Variants in MORN1 observed in about 807,000 individuals in gnomAD.
The protein encoded by MORN1 is MORN repeat containing 1.
MORN1 carries 67 observed loss-of-function variants against 61.9 expected under a neutral mutation model. The ratio of observed to expected loss-of-function variants is 1.08; its 90% CI spans 0.89 to 1.33. The LOEUF is 1.33. MORN1 is among the 40% of genes most tolerant of loss of function. The pLI, the probability that MORN1 is intolerant of heterozygous loss-of-function variation, is 0.00. For synonymous variants in MORN1, 301 were observed against 292.0 expected, an observed-to-expected ratio of 1.03 and a Z score of -0.31; for missense variants, 752 against 691.2, an observed-to-expected ratio of 1.09 and a Z score of -0.99.
chr1:2,335,003 G>A (rs1309303859), intron 12 of MORN1, among the ~76,000 whole-genome samples: 1 of 152,242 alleles, frequency 6.6e-6, no homozygotes, highest in Non-Finnish European at 1.5e-5. Context: ...GAGTCACTGG[G>A]CAAACAGGGC....
chr1:2,335,471 C>T (rs1641245126), intron 12 of MORN1, among the ~76,000 whole-genome samples: 1 of 152,198 alleles, frequency 6.6e-6, no homozygotes, highest in African/African-American at 2.4e-5. Flanking sequence ...GAGCCCTCCT[C>T]TGCCCCTGAA....
intron 6 of MORN1, among the ~76,000 whole-genome samples, chr1:2,383,176 A>T (rs1296430639): frequency 6.6e-6 from 1 of 152,196 alleles, no homozygotes; most frequent in East Asian, 1.9e-4. Flanking sequence ...GACCCTGTCA[A>T]CGTTTCTCCT....
intron 12 of MORN1, among the ~76,000 whole-genome samples, chr1:2,335,820 C>T (rs1015841577): frequency 6.5e-5 from 9 of 138,994 alleles, no homozygotes; most frequent in South Asian, 2.1e-4. Context: ...GGGGCCTCCT[C>T]GCCTCCATAG....
intron 12 of MORN1, among the ~76,000 whole-genome samples, chr1:2,335,068 T>A (rs950889590): frequency 6.6e-6 from 1 of 152,208 alleles, no homozygotes; most frequent in African/African-American, 2.4e-5. Flanking sequence ...GAAGTTATCG[T>A]ACAAAGTGAG....
chr1:2,336,870 A>T lies in MORN1; in HGVS notation c.1037-20T>A. 6.5e-7 allele frequency: 1 copy of T among 1,543,634 alleles called. No homozygotes were observed. The highest frequency in any genetic ancestry group is 2.0e-5 in the Admixed American group (1 of 49,008). On this transcript the variant is annotated intron_variant, in intron 10 of 13. Coordinates refer to ENST00000378531, the MANE Select transcript of MORN1 (RefSeq NM_024848.3). ...CCCTGGCTGAGGAGACAGAATGAAG[A>T]AAGACCCTATGAGGGGCTCAGGGCG...
intron 10 of MORN1, among the ~76,000 whole-genome samples, chr1:2,342,861 T>C (rs1424638558): frequency 1.9e-5 from 2 of 107,218 alleles, no homozygotes; most frequent in Non-Finnish European, 3.8e-5. Flanking sequence ...TATTTTATTT[T>C]ATTTTATTTA....
intron 13 of MORN1, chr1:2,323,039 G>C: frequency 1.0e-6 from 1 of 985,458 alleles, no homozygotes; most frequent in Non-Finnish European, 1.2e-6. Context: ...GGCTGTCTCC[G>C]CCGAGCACAT....
chr1:2,353,891 A>T lies in MORN1; in HGVS notation c.1036+3541T>A, dbSNP rs578038953. Among the ~76,000 whole-genome samples the T allele has an allele frequency of 3.9e-5, 6 of 152,366 alleles. No individual in the cohort carries two copies. In the South Asian group the frequency reaches 1.2e-3, roughly 32 times the overall value. On this transcript the variant is annotated intron_variant, in intron 10 of 13. Coordinates refer to ENST00000378531, the MANE Select transcript of MORN1 (RefSeq NM_024848.3). ...AAGAAAAGTTTGTGTCAACTCCTGC[A>T]TGGAATGAAGGGTAACAATTCATGG...
intron 12 of MORN1, among the ~76,000 whole-genome samples, chr1:2,328,901 G>C (rs1444603651): frequency 6.6e-6 from 1 of 152,190 alleles, no homozygotes; most frequent in African/African-American, 2.4e-5. Context: ...CATTGCCAAG[G>C]GAACCCGCCC....
At chr1:2,380,836 G>A (rs1233244675) in intron 6 of MORN1, among the ~76,000 whole-genome samples, 1 of 152,230 alleles carries the variant, frequency 6.6e-6, no homozygotes, top group Non-Finnish European at 1.5e-5. Context: ...GAGTACAGGT[G>A]TGAGCCACTG....
intron 8 of MORN1, among the ~76,000 whole-genome samples, chr1:2,364,882 G>T (rs1009131271): frequency 6.6e-6 from 1 of 152,068 alleles, no homozygotes; most frequent in Admixed American, 6.5e-5. Flanking sequence ...GATACGCAGC[G>T]TTATTTCTGA....
intron 10 of MORN1, among the ~76,000 whole-genome samples, chr1:2,345,630 G>A (rs1641496267): frequency 6.6e-6 from 1 of 152,206 alleles, no homozygotes; most frequent in Non-Finnish European, 1.5e-5. Context: ...ACCCTAGCCG[G>A]CAACATAGGG....
rs1277171382 is a variant in MORN1, at chr1:2,323,313, C to G, written c.1297+784G>C. 6.1e-6 allele frequency: 6 copies of G among 985,312 alleles called. No homozygotes were observed. In the African/African-American group the frequency reaches 1.0e-4, roughly 17 times the overall value. The allele number at this position is 985,312 out of a possible 1,614,324, so 61.0% of individuals were successfully genotyped here. A position where few individuals can be genotyped will look rare whatever the true frequency, so the allele number is the denominator to read the frequency against. ...TGTTCTCCCGCTGCGCCAGAGGCAG[C>G]TCCACGGTGGCATCCAGACCCCAGT... On this transcript the variant is annotated intron_variant, in intron 13 of 13. Coordinates refer to ENST00000378531, the MANE Select transcript of MORN1 (RefSeq NM_024848.3).
chr1:2,322,274 C>T, intron 13 of MORN1: 4 of 985,436 alleles, frequency 4.1e-6, no homozygotes, highest in African/African-American at 1.7e-5. Flanking sequence ...TCTCCCCTCC[C>T]CTGAGCCTGC....
chr1:2,375,856 T>C (rs1014848057), intron 6 of MORN1: 2 of 152,372 alleles, frequency 1.3e-5, no homozygotes, highest in East Asian at 1.9e-4. Context: ...ATTCCTGCAG[T>C]GTTCCAAGCT....
chr1:2,355,025 C>T (rs751813383), intron 10 of MORN1: 18 of 303,946 alleles, frequency 5.9e-5, no homozygotes, highest in Non-Finnish European at 6.8e-5. Flanking sequence ...GGCTGAGAGT[C>T]GGGGGAGGCC....
chr1:2,387,905 T>C, intron 3 of MORN1: 1 of 416,302 alleles, frequency 2.4e-6, no homozygotes, highest in Middle Eastern at 6.3e-4. Context: ...GGGTCTGAGG[T>C]TCCTGGACAC....
At chr1:2,322,838 G>A (rs952832379) in intron 13 of MORN1, 7 of 985,320 alleles carry the variant, frequency 7.1e-6, no homozygotes, top group Admixed American at 6.1e-5. Flanking sequence ...CCACTCCTGA[G>A]GCTGGCGTCC....
intron 12 of MORN1, chr1:2,332,482 C>G (rs1240922134): frequency 2.6e-6 from 1 of 389,158 alleles, no homozygotes; most frequent in East Asian, 7.3e-5. Flanking sequence ...CTCCCATTGT[C>G]CCCCTCGGCA....
Sources: allele counts gnomAD v4.1 joint callset (sites outside exome capture counted in the v4.1 genomes callset), GRCh38; gene constraint gnomAD v4.1.1; transcripts MANE v1.5; gene names NCBI Gene and HGNC (gene_info 2026-07-23, HGNC 2026-07-21).